The following SLC14A2 variants were observed in gnomAD, a reference collection of about 807,000 sequenced individuals.
The protein encoded by SLC14A2 is solute carrier family 14 member 2, also known as urea transporter 2.
A neutral mutation model predicts 104.6 loss-of-function variants in SLC14A2; 91 were observed. That is an observed-to-expected ratio of 0.87 (90% CI 0.73 to 1.04). SLC14A2 has a LOEUF of 1.04. SLC14A2 is among the 50% of genes least tolerant of loss of function. The pLI, the probability that SLC14A2 is intolerant of heterozygous loss-of-function variation, is 0.00. For missense variants in SLC14A2, 1,189 were observed against 1,156.0 expected, an observed-to-expected ratio of 1.03 and a Z score of -0.41; for synonymous variants, 476 against 466.4, an observed-to-expected ratio of 1.02 and a Z score of -0.27.
At chr18:45,642,569 C>T (rs552828572) in intron 8 of SLC14A2, among the ~76,000 whole-genome samples, 1 of 152,338 alleles carries the variant, frequency 6.6e-6, no homozygotes, top group South Asian at 2.1e-4. Flanking sequence ...GCACCAGCTA[C>T]ATGGACGAGC....
chr18:45,621,573 T>A (rs1336391684), intron 1 of SLC14A2, among the ~76,000 whole-genome samples: 1 of 152,218 alleles, frequency 6.6e-6, no homozygotes, highest in Non-Finnish European at 1.5e-5. Flanking sequence ...GTAACCTTGC[T>A]CACAGTCGCT....
At chr18:45,210,090 T>C (rs537048884), upstream of SLC14A2, among the ~76,000 whole-genome samples, 27 of 152,316 alleles carry the variant, frequency 1.8e-4, no homozygotes, top group African/African-American at 6.5e-4. Context: ...CTCCAGATCA[T>C]GGTCGCTCGA....
chr18:45,353,488 T>A (rs947267651), intron 1 of SLC14A2, among the ~76,000 whole-genome samples: 1 of 152,218 alleles, frequency 6.6e-6, no homozygotes, highest in Non-Finnish European at 1.5e-5. Flanking sequence ...CAGAAAATAT[T>A]TATGACTGGA....
intron 2 of SLC14A2, among the ~76,000 whole-genome samples, chr18:45,496,360 G>A (rs1407181310): frequency 6.6e-6 from 1 of 152,212 alleles, no homozygotes; most frequent in Non-Finnish European, 1.5e-5. Context: ...TGAGGATGTT[G>A]CCAGAGGAGA....
intron 2 of SLC14A2, among the ~76,000 whole-genome samples, chr18:45,535,062 T>C (rs947235269): frequency 2.0e-5 from 3 of 152,208 alleles, no homozygotes; most frequent in African/African-American, 4.8e-5. Flanking sequence ...TCTGCTGTGA[T>C]ACCTGATCCT....
At chr18:45,597,390 C>T (rs934476929) in intron 2 of SLC14A2, among the ~76,000 whole-genome samples, 6 of 152,062 alleles carry the variant, frequency 3.9e-5, no homozygotes, top group African/African-American at 1.4e-4. Flanking sequence ...GTCTTTTATC[C>T]ACCCATTCAG....
At chr18:45,449,960 G>C (rs143517503) in intron 1 of SLC14A2, among the ~76,000 whole-genome samples, 150 of 152,262 alleles carry the variant, frequency 9.9e-4, no homozygotes, top group South Asian at 2.5e-3. Context: ...ACAGAGAAGA[G>C]ATACACGATC....
rs143263878 is a variant in SLC14A2 at position 45,663,837 on chromosome 18, G to A, written c.1404G>A (p.Ser468=). The A allele has an allele frequency of 8.5e-3, 13,696 of 1,613,314 alleles. 117 individuals carry two copies. Among genetic ancestry groups the A allele is most frequent in the South Asian group, 0.02 (1,864 of 91,036 alleles). Residue 468 remains serine, a synonymous_variant, in exon 11 of 20, where the codon TCG becomes TCA. Coordinates refer to ENST00000255226, the MANE Select transcript of SLC14A2 (RefSeq NM_007163.4). ...PTAGPKVEEG[S]EAVLSKHRSV... ...CAGGCCCAAAGGTGGAGGAGGGCTC[G>A]GAGGCTGTGCTCTCCAAGCACAGGA...
intron 1 of SLC14A2, among the ~76,000 whole-genome samples, chr18:45,346,704 G>A (rs917098019): frequency 6.6e-6 from 1 of 152,038 alleles, no homozygotes; most frequent in South Asian, 2.1e-4. Flanking sequence ...AAGATGGGTG[G>A]ATCACATGAG....
At chr18:45,281,141 G>A (rs1357652008) in intron 1 of SLC14A2, among the ~76,000 whole-genome samples, 1 of 152,168 alleles carries the variant, frequency 6.6e-6, no homozygotes, top group East Asian at 1.9e-4. Context: ...ATCACAAGCA[G>A]TCTTCCAGGT....
At chr18:45,536,689 A>T (rs2043790337) in intron 2 of SLC14A2, among the ~76,000 whole-genome samples, 1 of 152,160 alleles carries the variant, frequency 6.6e-6, no homozygotes, top group African/African-American at 2.4e-5. Flanking sequence ...GGACTTAAAC[A>T]TATCTTTTGG....
chr18:45,409,181 C>T (rs1264339584), intron 1 of SLC14A2, among the ~76,000 whole-genome samples: 1 of 152,206 alleles, frequency 6.6e-6, no homozygotes, highest in African/African-American at 2.4e-5. Context: ...TCAACAAATG[C>T]ATCTGAGTCT....
chr18:45,287,121 A>G (rs909411641), intron 1 of SLC14A2, among the ~76,000 whole-genome samples: 3 of 152,012 alleles, frequency 2.0e-5, no homozygotes, highest in African/African-American at 7.3e-5. Flanking sequence ...AAACAGAAAG[A>G]CCTTTTCCTA....
intron 1 of SLC14A2, among the ~76,000 whole-genome samples, chr18:45,448,380 GTTAA>G (rs2086804782): frequency 6.6e-6 from 1 of 152,154 alleles, no homozygotes; most frequent in African/African-American, 2.4e-5. Flanking sequence ...ATGAAAGAAG[GTTAA>G]TTAATAATAT....
At chr18:45,400,177 T>C (rs769659041) in intron 1 of SLC14A2, among the ~76,000 whole-genome samples, 18 of 152,302 alleles carry the variant, frequency 1.2e-4, no homozygotes, top group Admixed American at 9.1e-4. Context: ...AAATGCTCCA[T>C]TGATGTTTTT....
intron 1 of SLC14A2, among the ~76,000 whole-genome samples, chr18:45,432,025 G>T (rs1348768499): frequency 2.6e-5 from 4 of 152,158 alleles, no homozygotes; most frequent in Non-Finnish European, 5.9e-5. Flanking sequence ...GTCAAAGAGG[G>T]AGATGAAAAC....
intron 9 of SLC14A2, 130 bp downstream of exon 9, chr18:45,643,311 T>C (rs2045562614): frequency 6.3e-6 from 5 of 791,374 alleles, no homozygotes; most frequent in Admixed American, 3.9e-5. Flanking sequence ...GACATCTCTG[T>C]TAAGGTTTAT....
intron 4 of SLC14A2, among the ~76,000 whole-genome samples, chr18:45,628,867 A>C (rs1327967634): frequency 6.6e-6 from 1 of 152,212 alleles, no homozygotes; most frequent in Non-Finnish European, 1.5e-5. Context: ...CTCTCAAAAA[A>C]AGAAAACTGA....
intron 1 of SLC14A2, among the ~76,000 whole-genome samples, chr18:45,283,192 C>A (rs1402852489): frequency 1.3e-5 from 2 of 151,728 alleles, no homozygotes; most frequent in Non-Finnish European, 2.9e-5. Context: ...TTCCCTCTGA[C>A]TCTGAGCAGG....
Sources: gnomAD v4.1 joint callset for allele counts (sites outside exome capture counted in the v4.1 genomes callset) on GRCh38, gnomAD v4.1.1 for gene constraint, MANE v1.5 for transcripts, NCBI Gene and HGNC (gene_info 2026-07-23, HGNC 2026-07-21) for gene names.